Variants in GABRG3 observed in about 807,000 individuals in gnomAD.
The protein encoded by GABRG3 is gamma-aminobutyric acid receptor subunit gamma-3.
In GABRG3, 25 loss-of-function variants were observed where a neutral mutation model predicts 48.8. The ratio of observed to expected loss-of-function variants is 0.51; its 90% CI spans 0.37 to 0.72. The LOEUF (loss-of-function observed/expected upper bound fraction) is 0.72. GABRG3 is among the 30% of genes least tolerant of loss of function. GABRG3 has a pLI of 0.00. For synonymous variants in GABRG3, 227 were observed against 217.6 expected (o/e 1.04, Z -0.38); for missense variants, 394 against 577.9 (o/e 0.68, Z 3.26).
chr15:26,987,382 G>A (rs141146721), intron 2 of GABRG3, among the ~76,000 whole-genome samples: 104 of 152,288 alleles, frequency 6.8e-4, no homozygotes, highest in Middle Eastern at 3.4e-3. Context: ...CAGTTCAGCT[G>A]TCTGCATTTC....
chr15:27,505,372 A>G (rs562383653), intron 6 of GABRG3, among the ~76,000 whole-genome samples: 5 of 152,262 alleles, frequency 3.3e-5, no homozygotes, highest in African/African-American at 1.2e-4. Context: ...GCAATTTTCT[A>G]CTTGTTAGTA....
chr15:27,295,222 T>G (rs1370262878), intron 3 of GABRG3: 6 of 152,236 alleles, frequency 3.9e-5, no homozygotes, highest in African/African-American at 1.4e-4. Context: ...TAAATTTTAT[T>G]ATTTCGCCTT....
intron 2 of GABRG3, among the ~76,000 whole-genome samples, chr15:27,024,940 C>T (rs555947318): frequency 3.2e-4 from 48 of 149,510 alleles, no homozygotes; most frequent in East Asian, 2.0e-3. Flanking sequence ...TCAGGAGAAT[C>T]GCTTGAACCG....
intron 3 of GABRG3, among the ~76,000 whole-genome samples, chr15:27,053,559 T>C (rs1002297523): frequency 2.0e-5 from 3 of 152,182 alleles, no homozygotes; most frequent in African/African-American, 7.2e-5. Context: ...GTTCAGCCAT[T>C]GTGGAGAGCA....
At chr15:27,228,280 C>A (rs539826216) in intron 3 of GABRG3, among the ~76,000 whole-genome samples, 1 of 152,294 alleles carries the variant, frequency 6.6e-6, no homozygotes, top group Admixed American at 6.5e-5. Context: ...GAGTTCTCAT[C>A]ATTTAGCTCC....
chr15:27,477,913 G>A (rs1889991710), intron 5 of GABRG3, among the ~76,000 whole-genome samples: 1 of 152,018 alleles, frequency 6.6e-6, no homozygotes, highest in Non-Finnish European at 1.5e-5. Context: ...GGGCATGGTG[G>A]CAGGTGCCTG....
intron 5 of GABRG3, among the ~76,000 whole-genome samples, chr15:27,340,029 C>T (rs1434603382): frequency 1.3e-5 from 2 of 152,134 alleles, no homozygotes; most frequent in Non-Finnish European, 2.9e-5. Flanking sequence ...TTCCATCACA[C>T]AGCAGCTAGC....
At chr15:27,380,401 G>C (rs773416836) in intron 5 of GABRG3, among the ~76,000 whole-genome samples, 1 of 148,736 alleles carries the variant, frequency 6.7e-6, no homozygotes, top group Admixed American at 6.7e-5. Context: ...TGTCTTTTCT[G>C]TTTATTTAAA....
intron 2 of GABRG3, among the ~76,000 whole-genome samples, chr15:26,994,977 A>G (rs1015274427): frequency 2.0e-5 from 3 of 152,000 alleles, no homozygotes; most frequent in Non-Finnish European, 4.4e-5. Flanking sequence ...AAGTCTCATC[A>G]TTTTATAGTT....
intron 3 of GABRG3, among the ~76,000 whole-genome samples, chr15:27,175,165 T>C (rs768440908): frequency 6.6e-6 from 1 of 152,126 alleles, no homozygotes; most frequent in Non-Finnish European, 1.5e-5. Flanking sequence ...CTGTCTCCCT[T>C]ACCCCAGGGC....
At chr15:26,977,219 T>C in intron 2 of GABRG3, 69 bp downstream of exon 2, 1 of 1,468,074 alleles carries the variant, frequency 6.8e-7, no homozygotes, top group South Asian at 1.2e-5. Context: ...TACTTTTGAG[T>C]AATTGTGAAT....
At chr15:27,244,313 A>G (rs1212445718) in intron 3 of GABRG3, among the ~76,000 whole-genome samples, 1 of 152,226 alleles carries the variant, frequency 6.6e-6, no homozygotes. Flanking sequence ...GAGGATGGGC[A>G]GAGGGCAGAG....
intron 5 of GABRG3, among the ~76,000 whole-genome samples, chr15:27,342,990 G>T (rs956929950): frequency 1.3e-5 from 2 of 152,234 alleles, no homozygotes; most frequent in Admixed American, 1.3e-4. Context: ...GTGACAGCAA[G>T]ATACAGTAAA....
chr15:27,328,775 T>C, intron 4 of GABRG3, 31 bp from the exon 5 acceptor site: 2 of 1,605,476 alleles, frequency 1.2e-6, no homozygotes, highest in South Asian at 1.1e-5. Context: ...TGCTGTGTGC[T>C]GAGCTAGACT....
intron 5 of GABRG3, among the ~76,000 whole-genome samples, chr15:27,398,495 A>G (rs538176466): frequency 6.6e-6 from 1 of 152,286 alleles, no homozygotes; most frequent in South Asian, 2.1e-4. Flanking sequence ...AAGTCCTTTG[A>G]AGAAAATATT....
intron 3 of GABRG3, among the ~76,000 whole-genome samples, chr15:27,045,308 G>A (rs531139302): frequency 7.9e-4 from 120 of 152,270 alleles, no homozygotes; most frequent in African/African-American, 2.7e-3. Context: ...CAAAGGCCTC[G>A]TGCTAGGTGC....
chr15:27,119,454 G>A (rs1309487118), intron 3 of GABRG3, among the ~76,000 whole-genome samples: 1 of 152,192 alleles, frequency 6.6e-6, no homozygotes, highest in Non-Finnish European at 1.5e-5. Flanking sequence ...TGTAGACGTG[G>A]TTAGTTTGGT....
chr15:27,177,112 G>T (rs186581795), intron 3 of GABRG3, among the ~76,000 whole-genome samples: 1 of 152,224 alleles, frequency 6.6e-6, no homozygotes, highest in South Asian at 2.1e-4. Flanking sequence ...CTAGAGAATA[G>T]GTACTGCTGA....
At chr15:27,357,307 T>C (rs914627982) in intron 5 of GABRG3, among the ~76,000 whole-genome samples, 3 of 152,154 alleles carry the variant, frequency 2.0e-5, no homozygotes, top group African/African-American at 7.2e-5. Context: ...TTAGCAGCCA[T>C]GAAATTCAAG....
Sources: gnomAD v4.1 joint callset for allele counts (sites outside exome capture counted in the v4.1 genomes callset) on GRCh38, gnomAD v4.1.1 for gene constraint, MANE v1.5 for transcripts, NCBI Gene and HGNC (gene_info 2026-07-23, HGNC 2026-07-21) for gene names.